Variants in GCNT4 observed in about 807,000 individuals in gnomAD.
The protein encoded by GCNT4 is beta-1,3-galactosyl-O-glycosyl-glycoprotein beta-1,6-N-acetylglucosaminyltransferase 4.
GCNT4 carries 17 observed loss-of-function variants against 31.3 expected under a neutral mutation model. The observed-to-expected ratio is 0.54, with a 90% CI of 0.37 to 0.81. GCNT4 has a LOEUF of 0.81. GCNT4 is among the 40% of genes least tolerant of loss of function. The pLI is 0.00. For missense variants in GCNT4, 503 were observed against 525.5 expected, an observed-to-expected ratio of 0.96 and a Z score of 0.42; for synonymous variants, 158 against 190.6, an observed-to-expected ratio of 0.83 and a Z score of 1.41.
At chr5:75,033,264 GCA>G (rs1368165642) in intron 3 of GCNT4, among the ~76,000 whole-genome samples, 1 of 152,208 alleles carries the variant, frequency 6.6e-6, no homozygotes, top group Non-Finnish European at 1.5e-5. Context: ...AAGGCCTGGG[GCA>G]CACACATACT....
the GCNT4 span, among the ~76,000 whole-genome samples, chr5:75,020,292 G>A: frequency 3.3e-5 from 5 of 152,222 alleles, no homozygotes; most frequent in African/African-American, 1.2e-4. Flanking sequence ...GGCATGGCAC[G>A]GCACAGCTTG....
chr5:75,023,383 A>G (rs978488173), downstream of GCNT4, among the ~76,000 whole-genome samples: 2 of 152,206 alleles, frequency 1.3e-5, no homozygotes, highest in African/African-American at 4.8e-5. Flanking sequence ...GATTTATAAC[A>G]AACATACATG....
At chr5:75,047,071 T>C (rs75841331) in intron 3 of GCNT4, among the ~76,000 whole-genome samples, 1 of 152,212 alleles carries the variant, frequency 6.6e-6, no homozygotes, top group Non-Finnish European at 1.5e-5. Context: ...CCTTGCTACA[T>C]TTTTATAATT....
chr5:75,044,351 C>G (rs1256902822), intron 3 of GCNT4, among the ~76,000 whole-genome samples: 1 of 151,800 alleles, frequency 6.6e-6, no homozygotes, highest in Non-Finnish European at 1.5e-5. Context: ...TCCATGTTAC[C>G]TTCCTGCTTT....
At chr5:75,020,133 C>T in the GCNT4 span, among the ~76,000 whole-genome samples, 1 of 152,206 alleles carries the variant, frequency 6.6e-6, no homozygotes, top group Admixed American at 6.5e-5. Context: ...CAGAGTGACT[C>T]AGCGAGTTTA....
intron 2 of GCNT4, among the ~76,000 whole-genome samples, chr5:75,051,917 G>A (rs868339316): frequency 2.0e-5 from 3 of 152,208 alleles, no homozygotes; most frequent in African/African-American, 4.8e-5. Context: ...ATACCAGAAA[G>A]AGATAAATCA....
rs530319374 is a variant in GCNT4, at chr5:75,043,325, G to T, written c.-2+4572C>A. ...ATCCAGAAACAGATCCATAGGTAAGGGTTTTACATATGGCTCTGGTAGAGA... is the reference window on the plus strand; with the variant it reads ...ATCCAGAAACAGATCCATAGGTAAGTGTTTTACATATGGCTCTGGTAGAGA... On this transcript the variant is annotated intron_variant, in intron 3 of 3. Coordinates refer to ENST00000652361, the MANE Select transcript of GCNT4 (RefSeq NM_001366737.1). 9.5e-4 allele frequency among the ~76,000 whole-genome samples: 145 copies of T among 152,204 alleles called. No homozygotes were observed. The South Asian group carries it at 0.03, about 31-fold the overall frequency.
Position 75,025,844 on chromosome 5 carries a change from C to A in GCNT4, c.*2832G>T, listed in dbSNP as rs182855861. 6.6e-6 allele frequency: 1 copy of A among 152,242 alleles called. No individual in the cohort carries two copies. The highest frequency in any genetic ancestry group is 6.5e-5 in the Admixed American group (1 of 15,286). The allele number at this position is 152,242 out of a possible 1,614,324, so 9.4% of individuals were successfully genotyped here. On this transcript the variant is annotated 3_prime_UTR_variant, in exon 4 of 4. Coordinates refer to ENST00000652361, the MANE Select transcript of GCNT4 (RefSeq NM_001366737.1). ...TTTCATTATTAATATTATTTAATAT[C>A]CACATACAGTTTAGAAACTCTAAGG...
upstream of GCNT4, among the ~76,000 whole-genome samples, chr5:75,053,234 G>A (rs1743628104): frequency 6.6e-6 from 1 of 151,852 alleles, no homozygotes; most frequent in South Asian, 2.1e-4. Context: ...CGCCCACCCG[G>A]CCCGTGACGC....
Position 75,050,292 on chromosome 5 carries a change from T to C in GCNT4, c.-143+1877A>G, listed in dbSNP as rs145710787. Among the ~76,000 whole-genome samples, 10 of 152,332 alleles carry C rather than the reference T, an allele frequency of 6.6e-5. 1 individual carries two copies. The South Asian group carries it at 1.9e-3, about 28-fold the overall frequency. On this transcript the variant is annotated intron_variant, in intron 2 of 3. Coordinates refer to ENST00000652361, the MANE Select transcript of GCNT4 (RefSeq NM_001366737.1). Reference sequence around the variant, plus strand: ...TTCTGTAAGATGTTGACAGTTTACATTACATGAGCTTGATATCAAAATACC... The same window carrying C: ...TTCTGTAAGATGTTGACAGTTTACACTACATGAGCTTGATATCAAAATACC...
rs200517667 is a variant in GCNT4, at chr5:75,052,244, C to CAAAAAAAA, written c.-201-25_-201-18dup. ...TTTGTTGTTCTTCCATTTTTAAAGA[C>CAAAAAAAA]AAAAAAAAAAAAAAAAAGAAAAAGA... On this transcript the variant is annotated splice_polypyrimidine_tract_variant and intron_variant, in intron 1 of 3. Coordinates refer to ENST00000652361, the MANE Select transcript of GCNT4 (RefSeq NM_001366737.1). 2.1e-5 allele frequency: 2 copies of CAAAAAAAA among 95,170 alleles called. No homozygotes were observed. Among genetic ancestry groups the CAAAAAAAA allele is most frequent in the African/African-American group, 6.5e-5 (2 of 30,612 alleles). 5.9% of individuals were successfully genotyped at this position (95,170 alleles called of 1,614,324 possible).
At chr5:75,051,517 T>C (rs545653161) in intron 2 of GCNT4, among the ~76,000 whole-genome samples, 2 of 152,280 alleles carry the variant, frequency 1.3e-5, no homozygotes, top group South Asian at 4.2e-4. Flanking sequence ...CAGGTCATGC[T>C]CCCAGCACCC....
At chr5:75,039,077 T>TG (rs1554062698) in intron 3 of GCNT4, among the ~76,000 whole-genome samples, 1 of 152,032 alleles carries the variant, frequency 6.6e-6, no homozygotes, top group East Asian at 1.9e-4. Flanking sequence ...TCACTGTTTT[T>TG]TTTTGTTTTG....
chr5:75,030,123 C>T (rs1265767558), intron 3 of GCNT4, 85 bp from the exon 4 acceptor site: 11 of 1,250,332 alleles, frequency 8.8e-6, no homozygotes, highest in East Asian at 2.3e-5. Flanking sequence ...GCGCCTACCA[C>T]ATACTAGGCA....
intron 2 of GCNT4, among the ~76,000 whole-genome samples, chr5:75,050,180 G>A (rs1369998370): frequency 1.3e-5 from 2 of 152,200 alleles, no homozygotes; most frequent in African/African-American, 4.8e-5. Context: ...TCTGTTGCGT[G>A]ATTATCATCC....
chr5:75,044,970 G>A (rs1411412659), intron 3 of GCNT4, among the ~76,000 whole-genome samples: 11 of 152,178 alleles, frequency 7.2e-5, no homozygotes, highest in African/African-American at 2.7e-4. Context: ...TAGTAGCACA[G>A]TTTTGAATAT....
chr5:75,036,971 A>G (rs1222619410), intron 3 of GCNT4, among the ~76,000 whole-genome samples: 1 of 152,222 alleles, frequency 6.6e-6, no homozygotes, highest in Non-Finnish European at 1.5e-5. Flanking sequence ...TTCCCTCTTC[A>G]GGCCACCTTA....
intron 3 of GCNT4, among the ~76,000 whole-genome samples, chr5:75,033,872 T>C (rs1331257809): frequency 6.6e-6 from 1 of 151,960 alleles, no homozygotes; most frequent in Non-Finnish European, 1.5e-5. Flanking sequence ...GTGTGTGATG[T>C]TCCCCTCCCT....
At chr5:75,040,094 T>C (rs926962305) in intron 3 of GCNT4, among the ~76,000 whole-genome samples, 10 of 152,108 alleles carry the variant, frequency 6.6e-5, no homozygotes, top group African/African-American at 1.2e-4. Flanking sequence ...GCAACTCCTG[T>C]TTCCATGTCT....
Sources: gnomAD v4.1 joint callset for allele counts (sites outside exome capture counted in the v4.1 genomes callset) on GRCh38, gnomAD v4.1.1 for gene constraint, MANE v1.5 for transcripts, NCBI Gene and HGNC (gene_info 2026-07-23, HGNC 2026-07-21) for gene names.